The following NRXN1 variants were observed in gnomAD, a reference collection of about 807,000 sequenced individuals.
NRXN1 encodes the protein neurexin 1, also known as neurexin-1.
NRXN1 carries 39 observed loss-of-function variants against 150.9 expected under a neutral mutation model. The observed-to-expected ratio is 0.26, with a 90% CI of 0.20 to 0.34. NRXN1 has a LOEUF of 0.34. Ranked by LOEUF, NRXN1 falls within the 10% of genes least tolerant of loss-of-function variation. The pLI is 1.00. For synonymous variants in NRXN1, 924 were observed against 757.0 expected, an observed-to-expected ratio of 1.22 and a Z score of -3.62; for missense variants, 1,815 against 1,949.9, an observed-to-expected ratio of 0.93 and a Z score of 1.30.
intron 21 of NRXN1, among the ~76,000 whole-genome samples, chr2:49,983,890 G>C (rs1680429957): frequency 6.6e-6 from 1 of 152,044 alleles, no homozygotes; most frequent in Non-Finnish European, 1.5e-5. Context: ...GAAATACAAA[G>C]ACTGGACACT....
intron 21 of NRXN1, among the ~76,000 whole-genome samples, chr2:50,038,714 A>G (rs964674680): frequency 1.3e-5 from 2 of 151,854 alleles, no homozygotes; most frequent in African/African-American, 4.8e-5. Context: ...AAAATATAGA[A>G]AAGAATAGTT....
intron 17 of NRXN1, among the ~76,000 whole-genome samples, chr2:50,420,304 T>G (rs1349796666): frequency 4.0e-5 from 6 of 149,432 alleles, no homozygotes; most frequent in Non-Finnish European, 7.5e-5. Context: ...AGTGAAATCA[T>G]TTTGATATCT....
intron 18 of NRXN1, among the ~76,000 whole-genome samples, chr2:50,149,822 T>C (rs2058592051): frequency 6.6e-6 from 1 of 151,702 alleles, no homozygotes; most frequent in African/African-American, 2.4e-5. Flanking sequence ...GCAGTAGTTC[T>C]GACTCAAGAG....
intron 18 of NRXN1, among the ~76,000 whole-genome samples, chr2:50,220,943 C>A (rs1233113952): frequency 6.6e-6 from 1 of 151,944 alleles, no homozygotes; most frequent in Non-Finnish European, 1.5e-5. Context: ...ATATCCTGCC[C>A]ACCATATAAC....
At position 49,982,739 on chromosome 2, in the gene NRXN1, G is replaced by A. The variant is rs542889992; in HGVS notation, c.4129-38948C>T. Among the ~76,000 whole-genome samples, 4 of 152,100 alleles carry A rather than the reference G, an allele frequency of 2.6e-5. No homozygotes were observed. The East Asian group carries it at 7.7e-4, about 29-fold the overall frequency. ...GTATTGTAATGTACATACCTATTCT[G>A]TGTTTTTTAGATAATGGACGCATTT... is the stretch of plus-strand genomic sequence containing the variant. On this transcript the variant is annotated intron_variant, in intron 21 of 22. Transcript: ENST00000401669.
intron 18 of NRXN1, among the ~76,000 whole-genome samples, chr2:50,174,334 T>A (rs2060219944): frequency 2.0e-5 from 3 of 152,168 alleles, no homozygotes; most frequent in Admixed American, 2.0e-4. Context: ...TTTAGTTTTC[T>A]CAATTCAAAT....
rs569800135 is a variant in NRXN1, at chr2:50,480,287, T to C, written c.3071-7816A>G. Among the ~76,000 whole-genome samples, 4 of 152,324 alleles carry C rather than the reference T, an allele frequency of 2.6e-5. No individual in the cohort carries two copies. In the East Asian group the frequency reaches 7.7e-4, roughly 29 times the overall value. On this transcript the variant is annotated intron_variant, in intron 15 of 22. Transcript: ENST00000401669. ...TTTGGAGTATCAGTGTGCGTAGTAA[T>C]GAGAACCCATGCATGAATCGTCTTC...
chr2:49,966,632 A>T (rs970008652), intron 21 of NRXN1: 2 of 152,112 alleles, frequency 1.3e-5, no homozygotes, highest in Non-Finnish European at 2.9e-5. Context: ...TAAGCCATTA[A>T]GTCTTCACCA....
At chr2:50,312,198 A>T (rs1224587757) in intron 17 of NRXN1, among the ~76,000 whole-genome samples, 1 of 152,122 alleles carries the variant, frequency 6.6e-6, no homozygotes, top group African/African-American at 2.4e-5. Context: ...CCAAATTATG[A>T]GATTTCTCCC....
At chr2:50,903,880 G>C (rs907379038) in intron 5 of NRXN1, among the ~76,000 whole-genome samples, 2 of 152,168 alleles carry the variant, frequency 1.3e-5, no homozygotes, top group African/African-American at 2.4e-5. Context: ...AAGACAGTAA[G>C]ATCTGAAACG....
At chr2:50,435,335 T>G (rs1044362398) in intron 17 of NRXN1, among the ~76,000 whole-genome samples, 2 of 152,218 alleles carry the variant, frequency 1.3e-5, no homozygotes, top group Non-Finnish European at 2.9e-5. Flanking sequence ...GAATACATTA[T>G]GCAAACTATA....
intron 18 of NRXN1, among the ~76,000 whole-genome samples, chr2:50,132,547 T>G (rs1173911412): frequency 1.3e-5 from 2 of 152,086 alleles, no homozygotes; most frequent in African/African-American, 2.4e-5. Flanking sequence ...CTTTGTGATC[T>G]TCCCGCCTCG....
chr2:50,814,251 C>T (rs1260294467), intron 5 of NRXN1, among the ~76,000 whole-genome samples: 2 of 152,072 alleles, frequency 1.3e-5, no homozygotes, highest in Admixed American at 6.6e-5. Context: ...CCTGCCTTGT[C>T]CTCCCAAAGT....
At chr2:50,388,657 T>A (rs2081482205) in intron 17 of NRXN1, among the ~76,000 whole-genome samples, 1 of 152,142 alleles carries the variant, frequency 6.6e-6, no homozygotes. Flanking sequence ...AATTTTATGC[T>A]CCTTAGATTC....
At chr2:50,866,261 T>G (rs1209127228) in intron 5 of NRXN1, among the ~76,000 whole-genome samples, 3 of 151,978 alleles carry the variant, frequency 2.0e-5, no homozygotes, top group East Asian at 3.9e-4. Flanking sequence ...TATATCTATA[T>G]TAGAGTTTCA....
chr2:50,487,151 C>T (rs1434511177), intron 15 of NRXN1, among the ~76,000 whole-genome samples: 1 of 152,078 alleles, frequency 6.6e-6, no homozygotes, highest in African/African-American at 2.4e-5. Context: ...ATATATGTAG[C>T]TGTCTTACCT....
intron 5 of NRXN1, among the ~76,000 whole-genome samples, chr2:50,889,071 G>A (rs1290569709): frequency 1.3e-5 from 2 of 151,674 alleles, no homozygotes; most frequent in African/African-American, 4.8e-5. Context: ...TTTTCATCAT[G>A]TTTAATCACA....
chr2:50,230,794 G>A lies in NRXN1; in HGVS notation c.3546+5995C>T, dbSNP rs568795603. 8.6e-5 allele frequency among the ~76,000 whole-genome samples: 13 copies of A among 152,034 alleles called. No individual in the cohort carries two copies. The South Asian group carries it at 2.5e-3, about 29-fold the overall frequency. ...TTAACTTCCAAGGGAAAAGGATGAA[G>A]GTAGGAATCTGTATTGATTCATTTA... On this transcript the variant is annotated intron_variant, in intron 18 of 22. Coordinates refer to ENST00000401669, the MANE Select transcript of NRXN1 (RefSeq NM_001330078.2).
At chr2:50,621,773 T>C (rs1374425560) in intron 6 of NRXN1, among the ~76,000 whole-genome samples, 1 of 152,150 alleles carries the variant, frequency 6.6e-6, no homozygotes, top group Non-Finnish European at 1.5e-5. Context: ...CAAAACTTCC[T>C]TCGGTCATAT....
Sources: gnomAD v4.1 joint callset for allele counts (sites outside exome capture counted in the v4.1 genomes callset) on GRCh38, gnomAD v4.1.1 for gene constraint, MANE v1.5 for transcripts, NCBI Gene and HGNC (gene_info 2026-07-23, HGNC 2026-07-21) for gene names.